GRIN2A: variants seen among roughly 807,000 people sequenced by gnomAD.
GRIN2A encodes the protein glutamate ionotropic receptor NMDA type subunit 2A.
Under a neutral mutation model 113.4 loss-of-function variants are expected in GRIN2A, and 22 were observed. The observed-to-expected ratio is 0.19, with a 90% CI of 0.14 to 0.28. The LOEUF (loss-of-function observed/expected upper bound fraction) is 0.28, where lower values mean the gene tolerates loss of function less well. GRIN2A is among the 10% of genes least tolerant of loss of function. The pLI, the probability that GRIN2A is intolerant of heterozygous loss-of-function variation, is 1.00. For missense variants in GRIN2A, 1,502 were observed against 1,887.0 expected (o/e 0.80, Z 3.78); for synonymous variants, 827 against 738.4 (o/e 1.12, Z -1.94).
chr16:10,089,923 T>C (rs1041032389), intron 2 of GRIN2A, among the ~76,000 whole-genome samples: 1 of 152,306 alleles, frequency 6.6e-6, no homozygotes, highest in South Asian at 2.1e-4. Context: ...GTAGTGATCA[T>C]ATCAGAGCAT....
intron 2 of GRIN2A, among the ~76,000 whole-genome samples, chr16:9,940,924 A>G (rs759891847): frequency 7.9e-5 from 12 of 152,220 alleles, no homozygotes; most frequent in Admixed American, 1.3e-4. Context: ...ACAGAAGTAG[A>G]GTCTAAAGGC....
At chr16:9,897,003 C>T (rs1275383722) in intron 3 of GRIN2A, among the ~76,000 whole-genome samples, 1 of 152,128 alleles carries the variant, frequency 6.6e-6, no homozygotes, top group African/African-American at 2.4e-5. Context: ...GTCAGAAATT[C>T]TGACTGCTTC....
intron 2 of GRIN2A, among the ~76,000 whole-genome samples, chr16:10,052,400 C>T (rs1256741331): frequency 1.3e-5 from 2 of 152,236 alleles, no homozygotes; most frequent in Non-Finnish European, 2.9e-5. Context: ...AAAGCCTGTG[C>T]TCCTTCCCAT....
chr16:10,019,873 G>T (rs761543710), intron 2 of GRIN2A, among the ~76,000 whole-genome samples: 1 of 152,194 alleles, frequency 6.6e-6, no homozygotes, highest in African/African-American at 2.4e-5. Context: ...ACTACAGTTA[G>T]TAATATCATA....
intron 2 of GRIN2A, among the ~76,000 whole-genome samples, chr16:10,176,497 C>T (rs1038662407): frequency 1.6e-4 from 24 of 152,140 alleles, no homozygotes; most frequent in Non-Finnish European, 1.3e-4. Context: ...GGCACATACA[C>T]ACCATGGAAT....
At chr16:9,767,361 G>A (rs1167349487) in intron 12 of GRIN2A, among the ~76,000 whole-genome samples, 1 of 152,002 alleles carries the variant, frequency 6.6e-6, no homozygotes, top group Admixed American at 6.6e-5. Context: ...CAATTAGTTA[G>A]CTTTCTCAGT....
intron 2 of GRIN2A, among the ~76,000 whole-genome samples, chr16:10,156,077 G>A (rs1273760688): frequency 6.6e-6 from 1 of 152,186 alleles, no homozygotes; most frequent in Non-Finnish European, 1.5e-5. Flanking sequence ...CTAGCCCAGG[G>A]TCCAGGAAAA....
At chr16:9,817,682 C>G (rs889128993) in intron 10 of GRIN2A, among the ~76,000 whole-genome samples, 1 of 152,258 alleles carries the variant, frequency 6.6e-6, no homozygotes, top group African/African-American at 2.4e-5. Flanking sequence ...CGAGTCCAGA[C>G]TCAAACCCAG....
intron 2 of GRIN2A, among the ~76,000 whole-genome samples, chr16:10,041,958 C>T (rs1456919357): frequency 6.6e-6 from 1 of 152,168 alleles, no homozygotes; most frequent in Non-Finnish European, 1.5e-5. Flanking sequence ...GTGCATCTTA[C>T]ACTCCCTTTA....
chr16:10,079,374 G>C (rs2142051615), intron 2 of GRIN2A, among the ~76,000 whole-genome samples: 2 of 152,328 alleles, frequency 1.3e-5, no homozygotes, highest in South Asian at 4.1e-4. Context: ...GAATGAGATG[G>C]AGACAATGCA....
At chr16:10,054,338 C>G (rs1470375711) in intron 2 of GRIN2A, among the ~76,000 whole-genome samples, 1 of 152,132 alleles carries the variant, frequency 6.6e-6, no homozygotes, top group African/African-American at 2.4e-5. Flanking sequence ...AAATTGAAGA[C>G]CATGGTTAGA....
At chr16:9,985,582 C>T (rs1030164909) in intron 2 of GRIN2A, among the ~76,000 whole-genome samples, 1 of 151,664 alleles carries the variant, frequency 6.6e-6, no homozygotes, top group African/African-American at 2.4e-5. Flanking sequence ...ATGAAATAAG[C>T]CAGGCACAGA....
At chr16:9,987,379 A>G (rs923375062) in intron 2 of GRIN2A, among the ~76,000 whole-genome samples, 6 of 152,350 alleles carry the variant, frequency 3.9e-5, no homozygotes, top group African/African-American at 1.2e-4. Flanking sequence ...GGAAGCAAAA[A>G]AAATGCAGCT....
chr16:10,161,757 G>A (rs931386979), intron 2 of GRIN2A, among the ~76,000 whole-genome samples: 1 of 152,158 alleles, frequency 6.6e-6, no homozygotes, highest in Non-Finnish European at 1.5e-5. Context: ...GGCCCTAGAG[G>A]AGGACCTATC....
At chr16:9,782,455 T>G (rs765288) in intron 11 of GRIN2A, among the ~76,000 whole-genome samples, 66,371 of 152,024 alleles carry the variant, frequency 0.44, 15,560 homozygotes, top group African/African-American at 0.62. Flanking sequence ...CTTTCCAAAT[T>G]AAAGTGTTTA....
chr16:9,853,084 G>A (rs1021611806), intron 4 of GRIN2A, among the ~76,000 whole-genome samples: 6 of 152,232 alleles, frequency 3.9e-5, no homozygotes, highest in African/African-American at 1.4e-4. Flanking sequence ...CATCTTCCCT[G>A]AGGAGGTGAC....
intron 2 of GRIN2A, among the ~76,000 whole-genome samples, chr16:10,087,232 A>T (rs895915856): frequency 3.9e-5 from 6 of 152,310 alleles, no homozygotes; most frequent in Admixed American, 1.3e-4. Context: ...TACTATATCT[A>T]CCGCATTGGT....
At chr16:9,993,933 T>C (rs17750179) in intron 2 of GRIN2A, among the ~76,000 whole-genome samples, 23,276 of 152,186 alleles carry the variant, frequency 0.15, 2,112 homozygotes, top group East Asian at 0.37. Context: ...AATCCTCTGG[T>C]CTTCTGTTGC....
intron 2 of GRIN2A, among the ~76,000 whole-genome samples, chr16:10,004,022 TCACTATTAC>T (rs1490142380): frequency 8.6e-5 from 13 of 152,028 alleles, no homozygotes; most frequent in Non-Finnish European, 1.8e-4. Flanking sequence ...GTGCTGCCTC[TCACTATTAC>T]CCATGAAAGG....
Sources: allele counts gnomAD v4.1 joint callset (sites outside exome capture counted in the v4.1 genomes callset), GRCh38; gene constraint gnomAD v4.1.1; transcripts MANE v1.5; gene names NCBI Gene and HGNC (gene_info 2026-07-23, HGNC 2026-07-21).